Variants in SUMF1 observed in about 807,000 individuals in gnomAD.
SUMF1 encodes sulfatase modifying factor 1.
In SUMF1, 48 loss-of-function variants were observed where a neutral mutation model predicts 47.6. The observed-to-expected ratio is 1.01, with a 90% CI of 0.80 to 1.28. The LOEUF (loss-of-function observed/expected upper bound fraction) is 1.28, where lower values mean the gene tolerates loss of function less well. Ranked by LOEUF, SUMF1 falls within the 50% of genes most tolerant of loss-of-function variation. SUMF1 has a pLI of 0.00. For synonymous variants in SUMF1, 230 were observed against 192.1 expected (o/e 1.20, Z -1.63); for missense variants, 571 against 485.4 (o/e 1.18, Z -1.66).
At chr3:4,227,070 C>A (rs982037072) in intron 8 of SUMF1, among the ~76,000 whole-genome samples, 3 of 152,104 alleles carry the variant, frequency 2.0e-5, no homozygotes, top group African/African-American at 7.2e-5. Flanking sequence ...TACACTCAAA[C>A]AACCCCTGCC....
At chr3:4,313,526 A>G (rs1433909856) in intron 8 of SUMF1, 1 of 1,613,940 alleles carries the variant, frequency 6.2e-7, no homozygotes, top group African/African-American at 1.3e-5. Flanking sequence ...TCTTATGATT[A>G]TTCAGGAAGA....
At chr3:4,170,642 C>T (rs553936096) in intron 8 of SUMF1, among the ~76,000 whole-genome samples, 2 of 152,080 alleles carry the variant, frequency 1.3e-5, no homozygotes, top group East Asian at 3.9e-4. Context: ...GACAATAGAT[C>T]GATGAAACAG....
chr3:4,167,682 C>T (rs547995428), intron 8 of SUMF1, among the ~76,000 whole-genome samples: 7 of 152,294 alleles, frequency 4.6e-5, no homozygotes, highest in East Asian at 1.9e-4. Flanking sequence ...TGGCTCTTCA[C>T]CTATCAGTAG....
chr3:4,284,361 T>C (rs67401194), intron 8 of SUMF1, among the ~76,000 whole-genome samples: 49,799 of 150,056 alleles, frequency 0.33, 9,189 homozygotes, highest in Non-Finnish European at 0.43. Context: ...TGCAGTGAGC[T>C]GTGATCAAGC....
chr3:4,071,617 G>A (rs1695527865), intron 8 of SUMF1, among the ~76,000 whole-genome samples: 1 of 152,210 alleles, frequency 6.6e-6, no homozygotes, highest in Non-Finnish European at 1.5e-5. Flanking sequence ...AGCTTAGTGG[G>A]GGGAGGGGCA....
chr3:4,243,372 C>A (rs1559604672), intron 8 of SUMF1, among the ~76,000 whole-genome samples: 1 of 152,174 alleles, frequency 6.6e-6, no homozygotes, highest in Non-Finnish European at 1.5e-5. Flanking sequence ...GATTTTAGAT[C>A]TTTCTTGCTT....
At chr3:4,254,907 G>A (rs1036180463) in intron 8 of SUMF1, among the ~76,000 whole-genome samples, 3 of 152,178 alleles carry the variant, frequency 2.0e-5, no homozygotes, top group Admixed American at 2.0e-4. Flanking sequence ...CAGACTTACA[G>A]CGGATCTCTT....
chr3:4,318,337 C>T (rs1698740065), intron 8 of SUMF1, among the ~76,000 whole-genome samples: 1 of 152,118 alleles, frequency 6.6e-6, no homozygotes, highest in Non-Finnish European at 1.5e-5. Flanking sequence ...GGATAATTCA[C>T]AAAAGATAAA....
chr3:4,156,303 A>G (rs913408768), intron 8 of SUMF1, among the ~76,000 whole-genome samples: 3 of 151,472 alleles, frequency 2.0e-5, no homozygotes, highest in Non-Finnish European at 4.4e-5. Context: ...AATTCTCTCC[A>G]TCTCCTGCCA....
At chr3:4,148,388 T>A (rs928394175) in intron 8 of SUMF1, among the ~76,000 whole-genome samples, 2 of 152,136 alleles carry the variant, frequency 1.3e-5, no homozygotes, top group African/African-American at 4.8e-5. Context: ...AAATAAGCAA[T>A]AGTAATCTTC....
intron 8 of SUMF1, among the ~76,000 whole-genome samples, chr3:4,131,290 C>G (rs1693782521): frequency 6.6e-6 from 1 of 152,108 alleles, no homozygotes; most frequent in Admixed American, 6.5e-5. Flanking sequence ...AAGGAATTGG[C>G]TCAAATGCCC....
At chr3:4,098,228 T>C (rs907411406) in intron 8 of SUMF1, among the ~76,000 whole-genome samples, 2 of 152,126 alleles carry the variant, frequency 1.3e-5, no homozygotes, top group Non-Finnish European at 2.9e-5. Flanking sequence ...CACCAGGGCA[T>C]TCTCAGAGAC....
intron 8 of SUMF1, among the ~76,000 whole-genome samples, chr3:4,134,109 C>T (rs1246035487): frequency 2.6e-5 from 4 of 152,066 alleles, no homozygotes; most frequent in Non-Finnish European, 5.9e-5. Flanking sequence ...AGCTCTGCAC[C>T]ACGCAGACCT....
chr3:4,377,728 A>G (rs974466259), intron 7 of SUMF1, among the ~76,000 whole-genome samples: 1 of 152,218 alleles, frequency 6.6e-6, no homozygotes, highest in African/African-American at 2.4e-5. Context: ...TAAGGCATAC[A>G]CAGCATCTGA....
intron 8 of SUMF1, among the ~76,000 whole-genome samples, chr3:4,256,787 GC>G (rs1371971685): frequency 6.6e-6 from 1 of 151,524 alleles, no homozygotes; most frequent in Non-Finnish European, 1.5e-5. Flanking sequence ...TGATACCAAA[GC>G]CGGGCAGAGA....
chr3:4,185,240 A>T lies in SUMF1; in HGVS notation c.1015-116495T>A, dbSNP rs894842262. 2.0e-5 allele frequency among the ~76,000 whole-genome samples: 3 copies of T among 152,204 alleles called. No homozygotes were observed. In the South Asian group the frequency reaches 6.2e-4, roughly 31 times the overall value. Reference sequence around the variant, plus strand: ...ACTGAAGCTTCAAAGAGATGATTGAACATCATATATAATCCCATCTTAATA... The same window carrying T: ...ACTGAAGCTTCAAAGAGATGATTGATCATCATATATAATCCCATCTTAATA... On this transcript the variant is annotated intron_variant and NMD_transcript_variant, in intron 8 of 12. Transcript: ENST00000448413.
intron 7 of SUMF1, among the ~76,000 whole-genome samples, chr3:4,379,068 G>A (rs1700417188): frequency 6.6e-6 from 1 of 152,202 alleles, no homozygotes; most frequent in Admixed American, 6.5e-5. Flanking sequence ...TTAGGTGACT[G>A]CTCAGCTGCT....
intron 3 of SUMF1, among the ~76,000 whole-genome samples, chr3:4,422,319 T>A (rs1701924484): frequency 1.3e-5 from 2 of 152,140 alleles, no homozygotes; most frequent in African/African-American, 4.8e-5. Context: ...TTCTTCCAAC[T>A]CTACCCTGTC....
intron 8 of SUMF1, among the ~76,000 whole-genome samples, chr3:4,225,805 A>G (rs965815416): frequency 3.3e-5 from 5 of 152,138 alleles, no homozygotes; most frequent in Admixed American, 6.6e-5. Context: ...TACAAAGAAT[A>G]CCTTCAGTTT....
Sources: allele counts gnomAD v4.1 joint callset (sites outside exome capture counted in the v4.1 genomes callset), GRCh38; gene constraint gnomAD v4.1.1; transcripts MANE v1.5; gene names NCBI Gene and HGNC (gene_info 2026-07-23, HGNC 2026-07-21).